Variants in ZSWIM6 observed in about 807,000 individuals in gnomAD.
ZSWIM6 encodes the protein zinc finger SWIM domain-containing protein 6.
In ZSWIM6, 9 loss-of-function variants were observed where a neutral mutation model predicts 113.2. The observed-to-expected ratio is 0.08, with a 90% CI of 0.05 to 0.14. ZSWIM6 has a LOEUF of 0.14. Among genes scored for constraint, ZSWIM6 ranks in the 10% least tolerant of loss-of-function variants. The probability of loss-of-function intolerance (pLI) is 1.00; values close to 1 mark genes in which losing one functional copy is unlikely to be tolerated. For synonymous variants in ZSWIM6, 611 were observed against 606.5 expected, an observed-to-expected ratio of 1.01 and a Z score of -0.11; for missense variants, 1,162 against 1,552.2, an observed-to-expected ratio of 0.75 and a Z score of 4.22.
intron 1 of ZSWIM6, among the ~76,000 whole-genome samples, chr5:61,357,645 G>A (rs907735866): frequency 2.0e-5 from 3 of 151,840 alleles, no homozygotes; most frequent in South Asian, 2.1e-4. Context: ...GAGTGTATCT[G>A]TGGGTAAACA....
At chr5:61,524,908 G>A (rs1749237521) in intron 5 of ZSWIM6, among the ~76,000 whole-genome samples, 1 of 152,226 alleles carries the variant, frequency 6.6e-6, no homozygotes, top group African/African-American at 2.4e-5. Flanking sequence ...AACCCAAGGG[G>A]TGGGTGTGCA....
chr5:61,401,283 G>A (rs1745935951), intron 1 of ZSWIM6, among the ~76,000 whole-genome samples: 1 of 151,992 alleles, frequency 6.6e-6, no homozygotes, highest in Admixed American at 6.6e-5. Context: ...ACATTAAGAA[G>A]GCTTCCAGTC....
chr5:61,470,811 T>C (rs920006029), intron 1 of ZSWIM6, among the ~76,000 whole-genome samples: 1 of 152,230 alleles, frequency 6.6e-6, no homozygotes, highest in Non-Finnish European at 1.5e-5. Flanking sequence ...ATAAAGATTA[T>C]TGCAGCACCT....
At chr5:61,438,663 A>G (rs1279452595) in intron 1 of ZSWIM6, among the ~76,000 whole-genome samples, 1 of 152,226 alleles carries the variant, frequency 6.6e-6, no homozygotes, top group Admixed American at 6.5e-5. Context: ...TTAAATATAC[A>G]TATTAGTAAG....
intron 1 of ZSWIM6, among the ~76,000 whole-genome samples, chr5:61,406,731 G>A (rs61286550): frequency 2.0e-5 from 2 of 99,976 alleles, no homozygotes; most frequent in African/African-American, 9.0e-5. Flanking sequence ...TATTTATTTT[G>A]AGACAGAGTC....
chr5:61,484,194 C>T (rs912847281), intron 2 of ZSWIM6, among the ~76,000 whole-genome samples: 7 of 152,242 alleles, frequency 4.6e-5, no homozygotes, highest in African/African-American at 1.4e-4. Flanking sequence ...GGATATGACC[C>T]AAGCAGCTGA....
At position 61,493,797 on chromosome 5, in the gene ZSWIM6, C is replaced by T. The variant is rs1748247892; in HGVS notation, c.1183-463C>T. Reference sequence around the variant, plus strand: ...CTGTGGTTTGTCAAAGCATGAATGCCTACTTTGTTGGATGTAATCTTGAAT... The same window carrying T: ...CTGTGGTTTGTCAAAGCATGAATGCTTACTTTGTTGGATGTAATCTTGAAT... On this transcript the variant is annotated intron_variant, in intron 3 of 13. Coordinates refer to ENST00000252744, the MANE Select transcript of ZSWIM6 (RefSeq NM_020928.2). Among the ~76,000 whole-genome samples, 2 of 152,110 alleles carry T rather than the reference C, an allele frequency of 1.3e-5. 1 individual carries two copies. The highest frequency in any genetic ancestry group is 4.1e-4 in the South Asian group (2 of 4,828).
At chr5:61,520,686 A>G (rs901989131) in intron 4 of ZSWIM6, among the ~76,000 whole-genome samples, 1 of 152,154 alleles carries the variant, frequency 6.6e-6, no homozygotes, top group African/African-American at 2.4e-5. Context: ...TATGCATACT[A>G]ATTAATAAAC....
chr5:61,536,225 A>C (rs1749569956), intron 10 of ZSWIM6, among the ~76,000 whole-genome samples: 1 of 152,230 alleles, frequency 6.6e-6, no homozygotes, highest in Admixed American at 6.5e-5. Flanking sequence ...AATAACAGTT[A>C]GAATATGTTG....
rs1437388221 is a variant in ZSWIM6 at position 61,538,874 on chromosome 5, A to G, written c.2442A>G (p.Ala814=). ...SGDLTRPHHI[A]SVVPNRYPRW... is the part of the protein sequence containing the mutation. ...ACCTCACCCGCCCACACCACATTGC[A>G]TCAGTTGTTCCCAACCGCTACCCTC... is the stretch of plus-strand genomic sequence containing the variant. Residue 814 remains alanine (A), a synonymous_variant, in exon 11 of 14, where the codon GCA becomes GCG. Coordinates refer to ENST00000252744, the MANE Select transcript of ZSWIM6 (RefSeq NM_020928.2). 4 of 1,552,314 alleles carry G rather than the reference A, an allele frequency of 2.6e-6. No individual in the cohort carries two copies. The highest frequency in any genetic ancestry group is 1.2e-5 in the South Asian group (1 of 84,060).
intron 1 of ZSWIM6, among the ~76,000 whole-genome samples, chr5:61,412,242 T>C (rs1746162398): frequency 6.6e-6 from 1 of 152,228 alleles, no homozygotes; most frequent in Admixed American, 6.5e-5. Flanking sequence ...GAACTGCTTT[T>C]TATGCAGGAA....
At chr5:61,382,425 T>A (rs1745504095) in intron 1 of ZSWIM6, among the ~76,000 whole-genome samples, 1 of 152,242 alleles carries the variant, frequency 6.6e-6, no homozygotes, top group South Asian at 2.1e-4. Context: ...GACTAGATTT[T>A]AATGATGCCA....
chr5:61,375,856 C>G (rs1579961440), intron 1 of ZSWIM6: 1 of 996,354 alleles, frequency 1.0e-6, no homozygotes. Flanking sequence ...CTCACCGTAA[C>G]ATTAAGAAAA....
At chr5:61,535,955 T>A (rs991959603) in intron 10 of ZSWIM6, among the ~76,000 whole-genome samples, 1 of 152,248 alleles carries the variant, frequency 6.6e-6, no homozygotes, top group Non-Finnish European at 1.5e-5. Context: ...AAAAATTGAT[T>A]TTTGAAGCAG....
chr5:61,366,584 C>G (rs574675021), intron 1 of ZSWIM6, among the ~76,000 whole-genome samples: 1 of 152,210 alleles, frequency 6.6e-6, no homozygotes, highest in Non-Finnish European at 1.5e-5. Context: ...GTTTAGCCTT[C>G]TAGTTTGTAG....
Position 61,332,293 on chromosome 5 carries a change from G to T in ZSWIM6, c.21G>T (p.Gln7His). Residue 7 changes from glutamine to histidine, a missense_variant, in exon 1 of 14, where the codon CAG becomes CAT. This residue lies in a region of ZSWIM6 where 333 missense variants were observed against 293.4 expected (regional missense o/e 1.13). Coordinates refer to ENST00000252744, the MANE Select transcript of ZSWIM6 (RefSeq NM_020928.2). MAERGQ[Q>H]PPPAKRLCCR... ...CGGTCATGGCGGAGCGCGGACAGCA[G>T]CCTCCTCCCGCGAAACGGCTTTGCT... The T allele has an allele frequency of 2.6e-6, 3 of 1,167,462 alleles. No homozygotes were observed. The highest frequency in any genetic ancestry group is 3.2e-6 in the Non-Finnish European group (3 of 946,060). 72.3% of individuals were successfully genotyped at this position (1,167,462 alleles called of 1,614,324 possible). A position where few individuals can be genotyped will look rare whatever the true frequency, so the allele number is the denominator to read the frequency against.
chr5:61,398,754 T>A (rs1461699789), intron 1 of ZSWIM6, among the ~76,000 whole-genome samples: 2 of 152,202 alleles, frequency 1.3e-5, no homozygotes, highest in Admixed American at 1.3e-4. Flanking sequence ...CATTGTATAA[T>A]TTCAGTTCTG....
At chr5:61,377,728 AC>A (rs1328942590) in intron 1 of ZSWIM6, among the ~76,000 whole-genome samples, 1 of 148,788 alleles carries the variant, frequency 6.7e-6, no homozygotes, top group East Asian at 2.0e-4. Context: ...AAAAAAAAAA[AC>A]CCCACAAAGT....
rs918070544 is a variant in ZSWIM6, at chr5:61,545,121, G to A, written c.*804G>A. ...AGAAAACCTATCAGAAGGACTAAAA[G>A]TACGCCTTGCTTCAGGGTTGGCTCA... is the stretch of plus-strand genomic sequence containing the variant. On this transcript the variant is annotated 3_prime_UTR_variant, in exon 14 of 14. Coordinates refer to ENST00000252744, the MANE Select transcript of ZSWIM6 (RefSeq NM_020928.2). 7.9e-5 allele frequency: 12 copies of A among 151,728 alleles called. No homozygotes were observed. The highest frequency in any genetic ancestry group is 1.5e-4 in the Non-Finnish European group (10 of 67,968). 9.4% of individuals were successfully genotyped at this position (151,728 alleles called of 1,614,324 possible).
Sources: gnomAD v4.1 joint callset for allele counts (sites outside exome capture counted in the v4.1 genomes callset) on GRCh38, gnomAD v4.1.1 for gene constraint, gnomAD v4.1.1 regional missense constraint, MANE v1.5 for transcripts, NCBI Gene and HGNC (gene_info 2026-07-23, HGNC 2026-07-21) for gene names.